Variants in STK32C observed in about 807,000 individuals in gnomAD.
The protein encoded by STK32C is serine/threonine kinase 32C, also known as serine/threonine-protein kinase 32C.
Under a neutral mutation model 56.5 loss-of-function variants are expected in STK32C, and 31 were observed. The observed-to-expected ratio is 0.55, with a 90% confidence interval of 0.41 to 0.74. The LOEUF (loss-of-function observed/expected upper bound fraction) is 0.74. STK32C is among the 30% of genes least tolerant of loss of function. The probability of loss-of-function intolerance (pLI) is 0.00; values close to 1 mark genes in which losing one functional copy is unlikely to be tolerated. For synonymous variants in STK32C, 309 were observed against 289.4 expected (o/e 1.07, Z -0.69); for missense variants, 544 against 676.9 (o/e 0.80, Z 2.18).
At chr10:132,251,217 C>A (rs1205894879) in intron 1 of STK32C, among the ~76,000 whole-genome samples, 1 of 152,234 alleles carries the variant, frequency 6.6e-6, no homozygotes, top group African/African-American at 2.4e-5. Flanking sequence ...TGCTCCCAGG[C>A]CCTACCCAGT....
chr10:132,331,592 A>C, exon 1 of STK32C: 1 of 1,612,892 alleles, frequency 6.2e-7, no homozygotes, highest in Non-Finnish European at 8.5e-7. Flanking sequence ...CCCAGGAGAG[A>C]CGCGGGGAGT....
At chr10:132,239,831 A>C (rs2063438418) in intron 2 of STK32C, among the ~76,000 whole-genome samples, 1 of 152,238 alleles carries the variant, frequency 6.6e-6, no homozygotes, top group South Asian at 2.1e-4. Context: ...CCCAGGTCCC[A>C]AGCCCAGGAT....
chr10:132,293,802 T>C (rs1010393717), intron 1 of STK32C, among the ~76,000 whole-genome samples: 1 of 151,462 alleles, frequency 6.6e-6, no homozygotes, highest in African/African-American at 2.4e-5. Flanking sequence ...GCCTGGGGAA[T>C]GGGGGTGGGG....
chr10:132,329,319 T>A (rs1287206279), intron 1 of STK32C, among the ~76,000 whole-genome samples: 1 of 151,844 alleles, frequency 6.6e-6, no homozygotes, highest in African/African-American at 2.4e-5. Context: ...GGGGTTGAGG[T>A]GGGAGGATTG....
chr10:132,279,499 C>T (rs1176922342), intron 1 of STK32C, among the ~76,000 whole-genome samples: 1 of 152,084 alleles, frequency 6.6e-6, no homozygotes, highest in African/African-American at 2.4e-5. Flanking sequence ...GTGGCTCACA[C>T]CTGTCATCCC....
chr10:132,301,893 C>T lies in STK32C; in HGVS notation c.262+5679G>A, dbSNP rs558474691. Among the ~76,000 whole-genome samples, 64 of 152,338 alleles carry T rather than the reference C, an allele frequency of 4.2e-4. No homozygotes were observed. In the South Asian group the frequency reaches 4.6e-3, roughly 11 times the overall value. ...AGCCCGGGCCAAGGGACCAGCACCCCGTGGGTTTCCTGCCCTCACTCACCA... is the reference window on the plus strand; with the variant it reads ...AGCCCGGGCCAAGGGACCAGCACCCTGTGGGTTTCCTGCCCTCACTCACCA... On this transcript the variant is annotated intron_variant, in intron 1 of 11. Coordinates refer to ENST00000298630, the MANE Select transcript of STK32C (RefSeq NM_173575.4).
chr10:132,292,281 A>G (rs1213453685), intron 1 of STK32C, among the ~76,000 whole-genome samples: 1 of 152,186 alleles, frequency 6.6e-6, no homozygotes, highest in Non-Finnish European at 1.5e-5. Context: ...CCCCAGGACC[A>G]TGCGTCAGCC....
chr10:132,209,660 G>A lies in STK32C; in HGVS notation c.1252-559C>T, dbSNP rs369144075. On this transcript the variant is annotated intron_variant, in intron 10 of 11. Transcript: ENST00000298630. ...AGGCAGCAGGACCACTTCCCAGGAC[G>A]CAGGGGTCGGGGGAGGGCGTGGGTG... is the stretch of plus-strand genomic sequence containing the variant. Among the ~76,000 whole-genome samples, 195 of 151,190 alleles carry A rather than the reference G, an allele frequency of 1.3e-3. 6 individuals are homozygous for A. The South Asian group carries it at 0.034, about 26-fold the overall frequency.
chr10:132,267,586 A>AGTGCATGTGCATGCATGTGT (rs1194095730), intron 1 of STK32C, among the ~76,000 whole-genome samples: 20 of 132,198 alleles, frequency 1.5e-4, no homozygotes, highest in Non-Finnish European at 3.1e-4. Flanking sequence ...TGTGTGTGTC[A>AGTGCATGTGCATGCATGTGT]GTGCATGTGC....
intron 2 of STK32C, among the ~76,000 whole-genome samples, chr10:132,242,594 GC>G (rs1043919709): frequency 1.3e-5 from 2 of 152,002 alleles, no homozygotes; most frequent in African/African-American, 4.8e-5. Flanking sequence ...AACCATCACA[GC>G]CCCCGCTGCT....
chr10:132,249,058 G>A lies in STK32C; in HGVS notation c.263-3103C>T, dbSNP rs371633190. The A allele has an allele frequency of 5.6e-3, 2,650 of 476,824 alleles. 19 individuals carry two copies. The highest frequency in any genetic ancestry group is 8.9e-3 in the Non-Finnish European group (2,130 of 239,062). The allele number at this position is 476,824 out of a possible 1,614,324, so 29.5% of individuals were successfully genotyped here. On this transcript the variant is annotated intron_variant, in intron 1 of 11. Transcript: ENST00000298630. ...CAAAGCCTCCCGACTGTGCGACGGA[G>A]GCGGCGGCTCCGGCAGAGGCTCCCA... is the stretch of plus-strand genomic sequence containing the variant.
rs138168374 is a variant in STK32C, at chr10:132,298,333, G to A, written c.262+9239C>T. 7.7e-3 allele frequency among the ~76,000 whole-genome samples: 1,173 copies of A among 152,374 alleles called. 10 individuals carry two copies. Among genetic ancestry groups the A allele is most frequent in the Middle Eastern group, 0.017 (5 of 294 alleles). On this transcript the variant is annotated intron_variant, in intron 1 of 11. Transcript: ENST00000298630. ...GAAGGCCCGGCATCTTCTACTCTGC[G>A]TCTGTGGGCGCCCTGGGGCCTCTCA...
upstream of STK32C, among the ~76,000 whole-genome samples, chr10:132,312,924 C>T (rs1395776014): frequency 1.3e-5 from 2 of 152,208 alleles, no homozygotes; most frequent in Non-Finnish European, 2.9e-5. Flanking sequence ...CCTGTAATAC[C>T]AGCTACTCAG....
intron 1 of STK32C, among the ~76,000 whole-genome samples, chr10:132,261,225 T>C (rs1317401463): frequency 6.6e-6 from 1 of 152,152 alleles, no homozygotes; most frequent in Admixed American, 6.5e-5. Flanking sequence ...GCCAGGTGGC[T>C]GGAGAATCTC....
chr10:132,287,612 C>T (rs1237402909), intron 1 of STK32C, among the ~76,000 whole-genome samples: 5 of 151,564 alleles, frequency 3.3e-5, no homozygotes, highest in Admixed American at 1.3e-4. Context: ...CCACCATGTC[C>T]GGCTAATTTT....
intron 2 of STK32C, among the ~76,000 whole-genome samples, chr10:132,228,588 G>T (rs2137737672): frequency 6.6e-6 from 1 of 152,328 alleles, no homozygotes; most frequent in Admixed American, 6.5e-5. Flanking sequence ...TGGTTGTGCG[G>T]GGAGCGCCCC....
chr10:132,308,119 G>A (rs2066142750), upstream of STK32C: 1 of 151,594 alleles, frequency 6.6e-6, no homozygotes, highest in African/African-American at 2.5e-5. Context: ...GGGCCGAGCC[G>A]GGGGCGGGGC....
At chr10:132,210,813 C>T (rs1254420150) in intron 10 of STK32C, among the ~76,000 whole-genome samples, 3 of 152,226 alleles carry the variant, frequency 2.0e-5, no homozygotes, top group Admixed American at 2.0e-4. Flanking sequence ...GAGGCAGTGC[C>T]CTCCGTGTCT....
chr10:132,318,696 T>C (rs560359624), intron 1 of STK32C, among the ~76,000 whole-genome samples: 6 of 152,184 alleles, frequency 3.9e-5, no homozygotes, highest in African/African-American at 1.4e-4. Context: ...ACATGGCTGA[T>C]ACACATGTAA....
Sources: gnomAD v4.1 joint callset for allele counts (sites outside exome capture counted in the v4.1 genomes callset) on GRCh38, gnomAD v4.1.1 for gene constraint, MANE v1.5 for transcripts, NCBI Gene and HGNC (gene_info 2026-07-23, HGNC 2026-07-21) for gene names.